The following RIMS1 variants were observed in gnomAD, a reference collection of about 807,000 sequenced individuals.
The protein encoded by RIMS1 is regulating synaptic membrane exocytosis 1, also known as regulating synaptic membrane exocytosis protein 1.
A neutral mutation model predicts 214.1 loss-of-function variants in RIMS1; 83 were observed. The observed-to-expected ratio is 0.39, with a 90% CI of 0.32 to 0.47. RIMS1 has a LOEUF of 0.47. Among genes scored for constraint, RIMS1 ranks in the 20% least tolerant of loss-of-function variants. The probability of loss-of-function intolerance (pLI) is 0.99; values close to 1 mark genes in which losing one functional copy is unlikely to be tolerated. For missense variants in RIMS1, 2,050 were observed against 2,161.8 expected, an observed-to-expected ratio of 0.95 and a Z score of 1.03; for synonymous variants, 793 against 786.8, an observed-to-expected ratio of 1.01 and a Z score of -0.13.
At chr6:72,392,652 A>C (rs763359666) in intron 30 of RIMS1, 46 bp from the exon 31 acceptor site, 6 of 1,287,026 alleles carry the variant, frequency 4.7e-6, no homozygotes, top group Non-Finnish European at 6.8e-6. Context: ...GAATTCTAGA[A>C]GATTTCATGG....
chr6:72,329,549 A>G (rs1224157587), intron 28 of RIMS1, among the ~76,000 whole-genome samples: 3 of 151,486 alleles, frequency 2.0e-5, no homozygotes, highest in Non-Finnish European at 4.4e-5. Flanking sequence ...TTTTTTTTCA[A>G]ATTAACATCT....
chr6:72,092,529 A>C (rs1836576108), intron 2 of RIMS1, among the ~76,000 whole-genome samples: 1 of 152,178 alleles, frequency 6.6e-6, no homozygotes, highest in Admixed American at 6.5e-5. Flanking sequence ...TATACTCCCT[A>C]CTGGGACGTC....
chr6:72,252,632 T>G (rs1165087004), intron 15 of RIMS1, 129 bp from the exon 16 acceptor site: 4 of 710,128 alleles, frequency 5.6e-6, no homozygotes, highest in Non-Finnish European at 1.0e-5. Flanking sequence ...AGCTCAGTGT[T>G]TACTGTATTA....
At chr6:72,351,302 A>T (rs1459986796) in intron 29 of RIMS1, among the ~76,000 whole-genome samples, 3 of 152,142 alleles carry the variant, frequency 2.0e-5, no homozygotes, top group African/African-American at 7.2e-5. Flanking sequence ...ACTGAACTTA[A>T]ATGGCTACTG....
intron 29 of RIMS1, among the ~76,000 whole-genome samples, chr6:72,388,680 G>A (rs185188213): frequency 4.4e-4 from 67 of 152,274 alleles, no homozygotes; most frequent in Non-Finnish European, 8.5e-4. Context: ...AGAATGACCA[G>A]ACTTGTGATG....
At position 72,179,844 on chromosome 6, in the gene RIMS1, C is replaced by T. The variant is rs762758527; in HGVS notation, c.741C>T (p.Pro247=). Residue 247 remains proline, a synonymous_variant, in exon 5 of 34, where the codon CCC becomes CCT. Coordinates refer to ENST00000521978, the MANE Select transcript of RIMS1 (RefSeq NM_014989.7). Reference sequence around the variant, plus strand: ...CAGACAGGAGCAAAGGGGCTGAGCCCTCGCAGCAAGCCTTGGGGCCTGAAC... The same window carrying T: ...CAGACAGGAGCAAAGGGGCTGAGCCTTCGCAGCAAGCCTTGGGGCCTGAAC... ...APPDRSKGAE[P]SQQALGPEQK... 6.2e-7 allele frequency: 1 copy of T among 1,609,146 alleles called. No homozygotes were observed. Among genetic ancestry groups the T allele is most frequent in the Non-Finnish European group, 8.5e-7 (1 of 1,177,234 alleles).
intron 6 of RIMS1, chr6:72,212,662 G>T (rs886395896): frequency 7.0e-5 from 19 of 269,774 alleles, no homozygotes; most frequent in Non-Finnish European, 9.1e-5. Flanking sequence ...TAAGCTCACA[G>T]CACGACAAAG....
chr6:71,925,129 T>C (rs1781227626), intron 1 of RIMS1, among the ~76,000 whole-genome samples: 1 of 152,176 alleles, frequency 6.6e-6, no homozygotes, highest in African/African-American at 2.4e-5. Context: ...TGAGGAATAA[T>C]TTGGAAAGAA....
chr6:72,390,015 C>T (rs2098676910), intron 29 of RIMS1, among the ~76,000 whole-genome samples: 2 of 152,288 alleles, frequency 1.3e-5, no homozygotes, highest in East Asian at 1.9e-4. Flanking sequence ...CCTGTTACAC[C>T]TAACTCCATA....
At chr6:72,098,243 A>T (rs973433582) in intron 3 of RIMS1, among the ~76,000 whole-genome samples, 2 of 152,112 alleles carry the variant, frequency 1.3e-5, no homozygotes, top group African/African-American at 4.8e-5. Context: ...CAGATATTCT[A>T]AACTTTATTC....
At chr6:72,316,464 G>A (rs1008626082) in intron 28 of RIMS1, 10 of 331,656 alleles carry the variant, frequency 3.0e-5, no homozygotes, top group African/African-American at 1.9e-4. Context: ...AATAAATACC[G>A]TGGATGCTCA....
At chr6:72,206,400 T>G (rs566666405) in intron 6 of RIMS1, among the ~76,000 whole-genome samples, 2 of 152,372 alleles carry the variant, frequency 1.3e-5, no homozygotes, top group African/African-American at 4.8e-5. Context: ...TTCTATGATA[T>G]GATTTGGAAT....
At chr6:71,925,934 A>G (rs1781451969) in intron 1 of RIMS1, among the ~76,000 whole-genome samples, 2 of 152,222 alleles carry the variant, frequency 1.3e-5, no homozygotes, top group South Asian at 2.1e-4. Context: ...AAAAGTTAAC[A>G]TATCATGAAT....
chr6:72,389,653 T>C (rs1268826860), intron 29 of RIMS1, among the ~76,000 whole-genome samples: 2 of 152,228 alleles, frequency 1.3e-5, no homozygotes, highest in African/African-American at 2.4e-5. Context: ...ATTTTTCATA[T>C]ATTATTAATG....
intron 4 of RIMS1, among the ~76,000 whole-genome samples, chr6:72,178,821 G>A (rs1249766127): frequency 6.6e-6 from 1 of 152,122 alleles, no homozygotes; most frequent in African/African-American, 2.4e-5. Context: ...TTTATTTTAA[G>A]TGGTGCTACA....
In RIMS1 at chr6:72,149,496, A is replaced by G. The variant is rs900640967; in HGVS notation, c.472-30079A>G. 1.1e-4 allele frequency among the ~76,000 whole-genome samples: 16 copies of G among 151,858 alleles called. 1 individual carries two copies. The highest frequency in any genetic ancestry group is 1.0e-3 in the Admixed American group (16 of 15,244). ...GACAGCTAGACGTCTGTGAAGGGAA[A>G]CAAAGTGAAGATTCCTTACACCTGA... On this transcript the variant is annotated intron_variant, in intron 4 of 33. Coordinates refer to ENST00000521978, the MANE Select transcript of RIMS1 (RefSeq NM_014989.7).
intron 29 of RIMS1, among the ~76,000 whole-genome samples, chr6:72,390,024 T>A (rs1007100165): frequency 1.3e-5 from 2 of 152,226 alleles, no homozygotes; most frequent in South Asian, 4.1e-4. Context: ...CCTAACTCCA[T>A]AATCTATATG....
At chr6:71,891,098 A>G (rs1769716989) in intron 1 of RIMS1, among the ~76,000 whole-genome samples, 1 of 152,160 alleles carries the variant, frequency 6.6e-6, no homozygotes, top group Non-Finnish European at 1.5e-5. Context: ...AGGCTGATTC[A>G]GATCAGCTGC....
At chr6:72,108,841 C>T (rs2153817219) in intron 4 of RIMS1, among the ~76,000 whole-genome samples, 2 of 102,530 alleles carry the variant, frequency 2.0e-5, no homozygotes, top group South Asian at 4.1e-4. Context: ...CTAAAGCTAT[C>T]CCTCCCCCCT....
Sources: allele counts gnomAD v4.1 joint callset (sites outside exome capture counted in the v4.1 genomes callset), GRCh38; gene constraint gnomAD v4.1.1; transcripts MANE v1.5; gene names NCBI Gene and HGNC (gene_info 2026-07-23, HGNC 2026-07-21).